Variants in SGCZ observed in about 807,000 individuals in gnomAD.
SGCZ encodes the protein sarcoglycan zeta, also known as zeta-sarcoglycan.
Under a neutral mutation model 41.3 loss-of-function variants are expected in SGCZ, and 40 were observed. That is an observed-to-expected ratio of 0.97 (90% CI 0.75 to 1.26). The LOEUF (loss-of-function observed/expected upper bound fraction) is 1.26. Among genes scored for constraint, SGCZ ranks in the 50% most tolerant of loss-of-function variants. The pLI, the probability that SGCZ is intolerant of heterozygous loss-of-function variation, is 0.00. For synonymous variants in SGCZ, 206 were observed against 137.5 expected, an observed-to-expected ratio of 1.50 and a Z score of -3.49; for missense variants, 552 against 369.8, an observed-to-expected ratio of 1.49 and a Z score of -4.04.
At chr8:14,646,851 A>G (rs537506563) in intron 1 of SGCZ, among the ~76,000 whole-genome samples, 1 of 152,136 alleles carries the variant, frequency 6.6e-6, no homozygotes, top group South Asian at 2.1e-4. Flanking sequence ...TAAGGCAAGT[A>G]AGACAGAGAC....
rs1808900821 is a variant in SGCZ at position 14,694,656 on chromosome 8, C to A, written c.40-139730G>T. On this transcript the variant is annotated intron_variant, in intron 1 of 7. Transcript: ENST00000382080. ...TTACAATGAACACTCCCACATCTAA[C>A]ACGGTGCCAGGCTCAATACATTTCA... Among the ~76,000 whole-genome samples the A allele has an allele frequency of 8.5e-5, 13 of 152,172 alleles. 1 individual carries two copies. Among genetic ancestry groups the A allele is most frequent in the Admixed American group, 8.5e-4 (13 of 15,272 alleles).
At chr8:14,587,533 C>CA (rs1160368379) in intron 1 of SGCZ, among the ~76,000 whole-genome samples, 2 of 152,118 alleles carry the variant, frequency 1.3e-5, no homozygotes, top group African/African-American at 4.8e-5. Context: ...GATATGCTTA[C>CA]AACTTGTTTA....
chr8:14,209,705 T>G (rs1480579365), intron 4 of SGCZ, among the ~76,000 whole-genome samples: 1 of 152,202 alleles, frequency 6.6e-6, no homozygotes, highest in African/African-American at 2.4e-5. Flanking sequence ...TAAATTTATG[T>G]GACATATTTA....
intron 1 of SGCZ, among the ~76,000 whole-genome samples, chr8:14,687,370 G>T (rs1194960129): frequency 7.1e-6 from 1 of 140,908 alleles, no homozygotes; most frequent in Non-Finnish European, 1.5e-5. Context: ...ACAGTTCCCA[G>T]AGTGTGATGT....
chr8:14,365,484 A>C (rs571689382), intron 2 of SGCZ, among the ~76,000 whole-genome samples: 1 of 152,174 alleles, frequency 6.6e-6, no homozygotes, highest in South Asian at 2.1e-4. Flanking sequence ...AGTTTTGTTC[A>C]TTGATTTCCA....
At chr8:14,589,477 T>C (rs73535259) in intron 1 of SGCZ, among the ~76,000 whole-genome samples, 2,409 of 152,252 alleles carry the variant, frequency 0.016, 66 homozygotes, top group African/African-American at 0.055. Flanking sequence ...TAGATTTAGA[T>C]AATATAGCTT....
At chr8:14,246,112 A>T (rs10435699) in intron 3 of SGCZ, among the ~76,000 whole-genome samples, 1 of 152,072 alleles carries the variant, frequency 6.6e-6, no homozygotes, top group Non-Finnish European at 1.5e-5. Flanking sequence ...TACCCAAAGG[A>T]TTAGAAATCA....
At chr8:15,163,547 A>C (rs1799573568) in intron 1 of SGCZ, among the ~76,000 whole-genome samples, 1 of 152,314 alleles carries the variant, frequency 6.6e-6, no homozygotes, top group South Asian at 2.1e-4. Context: ...TTGAAGTTCT[A>C]ATAAAAATAT....
intron 1 of SGCZ, among the ~76,000 whole-genome samples, chr8:15,058,481 C>T (rs368159051): frequency 6.6e-6 from 1 of 152,146 alleles, no homozygotes; most frequent in East Asian, 1.9e-4. Flanking sequence ...TATTTGTCTG[C>T]AGTAATAAAT....
At chr8:14,552,895 C>T (rs1186135818) in intron 2 of SGCZ, among the ~76,000 whole-genome samples, 1 of 152,016 alleles carries the variant, frequency 6.6e-6, no homozygotes, top group East Asian at 1.9e-4. Flanking sequence ...AATCAATGCT[C>T]CCTGAAGTGA....
intron 7 of SGCZ, among the ~76,000 whole-genome samples, chr8:14,093,537 T>C (rs1801752163): frequency 2.0e-5 from 3 of 152,110 alleles, no homozygotes; most frequent in African/African-American, 7.2e-5. Flanking sequence ...ATAGTATTTT[T>C]ACTATTTCCT....
intron 2 of SGCZ, among the ~76,000 whole-genome samples, chr8:14,408,954 T>C (rs937338384): frequency 1.3e-4 from 15 of 118,940 alleles, no homozygotes; most frequent in Admixed American, 6.0e-4. Context: ...ATTAAGAGAG[T>C]GTGTGTGTGT....
chr8:14,463,622 A>G (rs1445954190), intron 2 of SGCZ, among the ~76,000 whole-genome samples: 2 of 151,680 alleles, frequency 1.3e-5, no homozygotes, highest in Non-Finnish European at 3.0e-5. Flanking sequence ...ACAGACAACA[A>G]AACAAAACAC....
intron 2 of SGCZ, among the ~76,000 whole-genome samples, chr8:14,386,544 T>G (rs779475377): frequency 2.0e-5 from 3 of 152,184 alleles, no homozygotes; most frequent in East Asian, 1.9e-4. Flanking sequence ...CATCAAACAG[T>G]TTTTAGAAAT....
chr8:14,816,166 T>A (rs1292528178), intron 1 of SGCZ, among the ~76,000 whole-genome samples: 5 of 152,232 alleles, frequency 3.3e-5, no homozygotes, highest in Admixed American at 2.6e-4. Context: ...GCAGTGGGAA[T>A]TAGACACTTT....
At chr8:14,255,591 T>C (rs1384874022) in intron 3 of SGCZ, among the ~76,000 whole-genome samples, 1 of 152,010 alleles carries the variant, frequency 6.6e-6, no homozygotes, top group South Asian at 2.1e-4. Context: ...TTAAAGATAA[T>C]TACAATTAAA....
intron 1 of SGCZ, among the ~76,000 whole-genome samples, chr8:15,027,084 A>G (rs1244290682): frequency 6.6e-6 from 1 of 152,198 alleles, no homozygotes; most frequent in African/African-American, 2.4e-5. Flanking sequence ...TACTGGCTAT[A>G]TGCCACAAAT....
chr8:14,491,055 T>C (rs1391714748), intron 2 of SGCZ, among the ~76,000 whole-genome samples: 2 of 152,222 alleles, frequency 1.3e-5, no homozygotes, highest in Non-Finnish European at 2.9e-5. Context: ...TGTTTCCTCA[T>C]TTTACTTGGC....
rs73533441 is a variant in SGCZ at position 15,169,938 on chromosome 8, G to A, written c.39+67647C>T. On this transcript the variant is annotated intron_variant, in intron 1 of 7. Transcript: ENST00000382080. ...ATTAACCTAGAAAAGAGTGAACTAC[G>A]TAATTTCATCATAGATATTTGTTTC... Among the ~76,000 whole-genome samples, 697 of 152,244 alleles carry A rather than the reference G, an allele frequency of 4.6e-3. 4 individuals carry two copies. Among genetic ancestry groups the A allele is most frequent in the African/African-American group, 0.015 (623 of 41,540 alleles).
Sources: gnomAD v4.1 joint callset for allele counts (sites outside exome capture counted in the v4.1 genomes callset) on GRCh38, gnomAD v4.1.1 for gene constraint, MANE v1.5 for transcripts, NCBI Gene and HGNC (gene_info 2026-07-23, HGNC 2026-07-21) for gene names.